Variants in CENPE observed in about 807,000 individuals in gnomAD.
The protein encoded by CENPE is centromere-associated protein E.
CENPE carries 145 observed loss-of-function variants against 336.1 expected under a neutral mutation model. That is an observed-to-expected ratio of 0.43 (90% CI 0.38 to 0.50). CENPE has a LOEUF of 0.50. CENPE is among the 20% of genes least tolerant of loss of function. The pLI is 0.00. For synonymous variants in CENPE, 1,013 were observed against 984.8 expected (o/e 1.03, Z -0.54); for missense variants, 2,719 against 3,023.3 (o/e 0.90, Z 2.36).
chr4:103,148,872 T>C lies in CENPE; in HGVS notation c.3815A>G (p.Glu1272Gly), dbSNP rs780914564. 1 of 1,613,034 alleles carries C rather than the reference T, an allele frequency of 6.2e-7. No homozygotes were observed. Among genetic ancestry groups the C allele is most frequent in the Admixed American group, 1.7e-5 (1 of 59,888 alleles). The change falls in exon 28 of 49, where the codon GAA becomes GGA. Residue 1272 changes from glutamate to glycine, a missense_variant. Physicochemically the swap from Glu to Gly is moderately conservative, Grantham distance 98. Coordinates refer to ENST00000265148, the MANE Select transcript of CENPE (RefSeq NM_001813.3). Reference protein sequence around the residue: ...TAQIINTQDLEKSHTKLQEEI... With the variant: ...TAQIINTQDLGKSHTKLQEEI... The stretch of plus-strand genomic sequence containing the variant: ...TTCTTGTAATTTGGTATGGGATTTT[T>C]CTAAGTCCTGAGTATTTATTATTTG...
intron 1 of CENPE, among the ~76,000 whole-genome samples, chr4:103,197,228 C>T (rs1456019849): frequency 6.6e-6 from 1 of 152,180 alleles, no homozygotes; most frequent in East Asian, 1.9e-4. Flanking sequence ...CTCTGAATTC[C>T]TAGATACATC....
chr4:103,170,679 AT>A (rs1738950718), intron 16 of CENPE, among the ~76,000 whole-genome samples: 1 of 152,182 alleles, frequency 6.6e-6, no homozygotes, highest in South Asian at 2.1e-4. Flanking sequence ...GGAAGTAGTA[AT>A]TTCCTACCTA....
intron 11 of CENPE, chr4:103,181,837 T>C (rs372554670): frequency 6.3e-6 from 1 of 159,240 alleles, no homozygotes; most frequent in African/African-American, 2.4e-5. Context: ...AAGGCAATTA[T>C]GTTGCAAGAC....
chr4:103,151,920 A>G (rs550719944), intron 25 of CENPE, among the ~76,000 whole-genome samples: 9 of 152,372 alleles, frequency 5.9e-5, no homozygotes, highest in Non-Finnish European at 1.2e-4. Flanking sequence ...GCTTATTTAC[A>G]TTCTGCTCTT....
intron 1 of CENPE, among the ~76,000 whole-genome samples, chr4:103,197,057 A>C (rs576180342): frequency 6.6e-6 from 1 of 152,202 alleles, no homozygotes; most frequent in Non-Finnish European, 1.5e-5. Context: ...GAAGGCTTTC[A>C]TTCTCACCCT....
intron 39 of CENPE, among the ~76,000 whole-genome samples, chr4:103,136,922 C>T (rs2125908677): frequency 6.6e-6 from 1 of 152,272 alleles, no homozygotes; most frequent in East Asian, 1.9e-4. Context: ...GGGGAAGTCA[C>T]TGAGCCATTT....
At chr4:103,170,540 T>G (rs1755318317) in intron 16 of CENPE, among the ~76,000 whole-genome samples, 1 of 152,076 alleles carries the variant, frequency 6.6e-6, no homozygotes, top group Non-Finnish European at 1.5e-5. Context: ...GAAAAAAACC[T>G]ATAATAAATA....
intron 16 of CENPE, 55 bp from the exon 17 acceptor site, chr4:103,163,608 C>CAAAAAAAACAAAA: frequency 3.3e-6 from 1 of 300,222 alleles, no homozygotes. Flanking sequence ...TAAAGCAAAG[C>CAAAAAAAACAAAA]AAAAAAAAAA....
chr4:103,170,680 TTTCCTACCTATCAGTAG>T (rs1178380563), intron 16 of CENPE, among the ~76,000 whole-genome samples: 1 of 152,162 alleles, frequency 6.6e-6, no homozygotes, highest in African/African-American at 2.4e-5. Context: ...GAAGTAGTAA[TTTCCTACCTATCAGTAG>T]TTCCTACCTA....
intron 18 of CENPE, 55 bp downstream of exon 18, chr4:103,163,082 A>G: frequency 6.8e-7 from 1 of 1,469,536 alleles, no homozygotes; most frequent in Non-Finnish European, 9.2e-7. Flanking sequence ...TGCTAAGATG[A>G]TGGTATGCTA....
chr4:103,163,067 G>T, intron 18 of CENPE, 70 bp downstream of exon 18: 1 of 1,306,922 alleles, frequency 7.7e-7, no homozygotes, highest in Non-Finnish European at 1.1e-6. Context: ...TCCAGTATAA[G>T]CATTTGCTAA....
intron 38 of CENPE, 111 bp downstream of exon 38, chr4:103,139,678 C>T: frequency 9.7e-7 from 1 of 1,035,354 alleles, no homozygotes; most frequent in Non-Finnish European, 1.4e-6. Flanking sequence ...TCCCACTGTC[C>T]TTTACTGTTC....
intron 8 of CENPE, among the ~76,000 whole-genome samples, chr4:103,189,491 A>G (rs1000702771): frequency 6.6e-6 from 1 of 152,158 alleles, no homozygotes; most frequent in African/African-American, 2.4e-5. Flanking sequence ...TTTAACATAC[A>G]AAAATCAATA....
chr4:103,158,443 C>G lies in CENPE; in HGVS notation c.2890G>C (p.Glu964Gln), dbSNP rs777841784. The G allele has an allele frequency of 6.3e-7, 1 of 1,579,342 alleles. No individual in the cohort carries two copies. The highest frequency in any genetic ancestry group is 1.2e-5 in the South Asian group (1 of 85,088). Residue 964 changes from glutamate to glutamine, a missense_variant, in exon 24 of 49, where the codon GAA (glutamate) becomes CAA (glutamine). Coordinates refer to ENST00000265148, the MANE Select transcript of CENPE (RefSeq NM_001813.3). ...GACTCAAGAGCATTTCGTAATTGTT[C>G]TTGAGTATCTATATTCTTTGTTAGA... ...DTVNMNIDTQ[E>Q]QLRNALESLK...
rs1337414118 is a variant in CENPE, at chr4:103,122,891, C to G, written c.7123G>C (p.Ala2375Pro). The G allele has an allele frequency of 4.5e-5, 72 of 1,612,722 alleles. No individual in the cohort carries two copies. The highest frequency in any genetic ancestry group is 6.0e-5 in the Non-Finnish European group (71 of 1,178,960). The part of the protein sequence containing the change: ...DNKNPHVTSR[A>P]TQLTTEKIRE... ...TATACCTCTGTGGTTAACTGTGTAG[C>G]TCTTGATGTAACATGAGGATTCTTA... Residue 2375 changes from alanine (A) to proline (P), a missense_variant, in exon 43 of 49, where the codon GCT (alanine) becomes CCT (proline). Ala to Pro is a conservative substitution (Grantham distance 27). Transcript: ENST00000265148.
At chr4:103,131,068 T>A (rs1751548047) in intron 42 of CENPE, among the ~76,000 whole-genome samples, 1 of 152,148 alleles carries the variant, frequency 6.6e-6, no homozygotes, top group Non-Finnish European at 1.5e-5. Flanking sequence ...AAAGGCATAA[T>A]CTATGAAAGA....
chr4:103,143,276 T>C lies in CENPE; in HGVS notation c.5276A>G (p.Glu1759Gly). The part of the protein sequence containing the change: ...NEISNMQKDL[E>G]HSNDALKAQD... ...TGCTTTTAAGGCATCATTTGAGTGT[T>C]CTAAGTCCTTTTGCATATTTGATAT... is the stretch of plus-strand genomic sequence containing the variant. Residue 1759 changes from glutamate to glycine, a missense_variant, in exon 34 of 49, where the codon GAA (glutamate) becomes GGA (glycine). Glu to Gly is a moderately conservative substitution (Grantham distance 98). Transcript: ENST00000265148. The C allele has an allele frequency of 6.2e-7, 1 of 1,606,024 alleles. No homozygotes were observed. Among genetic ancestry groups the C allele is most frequent in the Non-Finnish European group, 8.5e-7 (1 of 1,175,496 alleles).
chr4:103,141,382 C>G (rs1337226740), intron 35 of CENPE, among the ~76,000 whole-genome samples: 2 of 152,136 alleles, frequency 1.3e-5, no homozygotes, highest in African/African-American at 4.8e-5. Flanking sequence ...TTTCTGTGTG[C>G]TCCTTCCTAG....
chr4:103,110,904 T>C lies in CENPE; in HGVS notation c.7648A>G (p.Ile2550Val), dbSNP rs1749354889. 2 of 1,611,860 alleles carry C rather than the reference T, an allele frequency of 1.2e-6. No homozygotes were observed. Among genetic ancestry groups the C allele is most frequent in the East Asian group, 2.2e-5 (1 of 44,848 alleles). The change falls in exon 47 of 49, where the codon ATA becomes GTA. Residue 2550 changes from isoleucine (I) to valine (V), a missense_variant. Ile to Val is a conservative substitution (Grantham distance 29). Transcript: ENST00000265148. ...TKALILKSEH[I>V]RLEKEISKLK... is the part of the protein sequence containing the mutation. ...TTAGAAATTTCTTTTTCTAGCCTTATATGTTCACTTTTCAAAATAAGAGCT... is the reference window on the plus strand; with the variant it reads ...TTAGAAATTTCTTTTTCTAGCCTTACATGTTCACTTTTCAAAATAAGAGCT...
Sources: gnomAD v4.1 joint callset for allele counts (sites outside exome capture counted in the v4.1 genomes callset) on GRCh38, gnomAD v4.1.1 for gene constraint, MANE v1.5 for transcripts, NCBI Gene and HGNC (gene_info 2026-07-23, HGNC 2026-07-21) for gene names.